The following TRPC6 variants were observed in gnomAD, a reference collection of about 807,000 sequenced individuals.
TRPC6 encodes transient receptor potential cation channel subfamily C member 6, also known as short transient receptor potential channel 6.
TRPC6 carries 55 observed loss-of-function variants against 90.7 expected under a neutral mutation model. The observed-to-expected ratio is 0.61, with a 90% CI of 0.49 to 0.76. The LOEUF (loss-of-function observed/expected upper bound fraction) is 0.76. Ranked by LOEUF, TRPC6 falls within the 30% of genes least tolerant of loss-of-function variation. The probability of loss-of-function intolerance (pLI) is 0.00; values close to 1 mark genes in which losing one functional copy is unlikely to be tolerated. For missense variants in TRPC6, 989 were observed against 1,122.7 expected (o/e 0.88, Z 1.70); for synonymous variants, 393 against 393.0 (o/e 1.00, Z 0.00).
At chr11:101,573,604 G>A (rs376401132) in intron 1 of TRPC6, among the ~76,000 whole-genome samples, 1 of 152,082 alleles carries the variant, frequency 6.6e-6, no homozygotes, top group East Asian at 1.9e-4. Context: ...AAACAATACT[G>A]TTTGCCTTGT....
intron 4 of TRPC6, among the ~76,000 whole-genome samples, chr11:101,487,418 GT>G (rs1003311900): frequency 6.6e-6 from 1 of 152,104 alleles, no homozygotes; most frequent in African/African-American, 2.4e-5. Flanking sequence ...GTGCAATTTT[GT>G]TACACCAGTA....
chr11:101,530,845 G>T (rs1485643769), intron 1 of TRPC6, among the ~76,000 whole-genome samples: 4 of 152,060 alleles, frequency 2.6e-5, no homozygotes, highest in African/African-American at 9.7e-5. Flanking sequence ...TAAATAAATA[G>T]AAATCATAAA....
intron 2 of TRPC6, 98 bp from the exon 3 acceptor site, chr11:101,491,836 CTTTTTTTTTTTT>C (rs71056611): frequency 6.7e-6 from 3 of 445,044 alleles, no homozygotes; most frequent in African/African-American, 3.5e-5. Context: ...GAGAAACATT[CTTTTTTTTTTTT>C]TTTTTTTTTT....
intron 1 of TRPC6, among the ~76,000 whole-genome samples, chr11:101,523,210 T>C (rs1254924910): frequency 6.6e-6 from 1 of 152,172 alleles, no homozygotes; most frequent in Non-Finnish European, 1.5e-5. Flanking sequence ...CTGGCAGTGG[T>C]TTTAGACCAA....
intron 1 of TRPC6, among the ~76,000 whole-genome samples, chr11:101,559,771 C>A (rs1270664522): frequency 2.8e-5 from 4 of 145,240 alleles, no homozygotes; most frequent in African/African-American, 5.1e-5. Context: ...TCTCCTAATG[C>A]TATCCCTCCC....
chr11:101,545,524 C>T (rs1403426025), intron 1 of TRPC6, among the ~76,000 whole-genome samples: 1 of 152,158 alleles, frequency 6.6e-6, no homozygotes. Flanking sequence ...TTACAAGGCA[C>T]ATTAGCTAGT....
intron 10 of TRPC6, among the ~76,000 whole-genome samples, chr11:101,459,146 G>T (rs12289447): frequency 0.039 from 5,956 of 152,294 alleles, 226 homozygotes; most frequent in African/African-American, 0.095. Context: ...CAGGGGAAAA[G>T]AGATACTTGT....
intron 10 of TRPC6, among the ~76,000 whole-genome samples, chr11:101,457,162 C>T (rs1858902757): frequency 6.6e-6 from 1 of 152,100 alleles, no homozygotes; most frequent in African/African-American, 2.4e-5. Flanking sequence ...AACATGTATA[C>T]TGTCATAGAG....
intron 1 of TRPC6, among the ~76,000 whole-genome samples, chr11:101,538,951 A>G (rs1185949771): frequency 6.6e-6 from 1 of 152,192 alleles, no homozygotes; most frequent in Non-Finnish European, 1.5e-5. Context: ...TCTCAATAAG[A>G]GCCCAGACAG....
chr11:101,480,960 T>G (rs56318611), intron 5 of TRPC6, among the ~76,000 whole-genome samples: 5,020 of 152,300 alleles, frequency 0.033, 112 homozygotes, highest in Middle Eastern at 0.071. Context: ...GTATCCAAGA[T>G]TTATCATTAC....
intron 1 of TRPC6, among the ~76,000 whole-genome samples, chr11:101,566,089 C>T (rs1220067554): frequency 1.1e-5 from 1 of 92,512 alleles, no homozygotes; most frequent in Non-Finnish European, 2.6e-5. Flanking sequence ...TTCTAAGCCA[C>T]TTTGGGTATA....
chr11:101,574,392 C>A (rs1257410279), intron 1 of TRPC6, among the ~76,000 whole-genome samples: 1 of 151,164 alleles, frequency 6.6e-6, no homozygotes, highest in East Asian at 1.9e-4. Flanking sequence ...TATAATTTAA[C>A]TGATAACACT....
chr11:101,537,054 T>C (rs1591119350), intron 1 of TRPC6, among the ~76,000 whole-genome samples: 2 of 152,338 alleles, frequency 1.3e-5, no homozygotes, highest in Non-Finnish European at 2.9e-5. Context: ...ACCAAGTGTC[T>C]GGACTGAACC....
At chr11:101,485,820 T>C (rs768680890) in intron 4 of TRPC6, among the ~76,000 whole-genome samples, 5 of 152,072 alleles carry the variant, frequency 3.3e-5, no homozygotes, top group Admixed American at 6.6e-5. Context: ...CTATCTACCT[T>C]AGAATGAGCC....
At chr11:101,480,566 A>T (rs1046644530) in intron 5 of TRPC6, among the ~76,000 whole-genome samples, 1 of 152,100 alleles carries the variant, frequency 6.6e-6, no homozygotes, top group Non-Finnish European at 1.5e-5. Context: ...TTTAATTTTT[A>T]AAATTCTTTA....
intron 1 of TRPC6, among the ~76,000 whole-genome samples, chr11:101,560,820 C>T (rs773669099): frequency 2.6e-5 from 4 of 151,962 alleles, no homozygotes; most frequent in Admixed American, 6.6e-5. Context: ...ATGGCACAGC[C>T]GTCAGAAGCA....
At chr11:101,582,187 C>T (rs4754782) in intron 1 of TRPC6, among the ~76,000 whole-genome samples, 150,842 of 152,348 alleles carry the variant, frequency 0.99, 74,698 homozygotes, top group East Asian at 1. Context: ...TCTAACTATT[C>T]TCCTTTATCT....
chr11:101,526,133 C>T (rs1046825557), intron 1 of TRPC6, among the ~76,000 whole-genome samples: 9 of 152,280 alleles, frequency 5.9e-5, no homozygotes, highest in Admixed American at 3.9e-4. Flanking sequence ...CATATATGTA[C>T]ATTAATGAAA....
chr11:101,583,281 A>C (rs931069047), intron 1 of TRPC6, 53 bp downstream of exon 1: 5 of 1,532,580 alleles, frequency 3.3e-6, no homozygotes, highest in Middle Eastern at 1.7e-4. Context: ...GCGAGCGCAC[A>C]ACCTCCCTCC....
Sources: gnomAD v4.1 joint callset for allele counts (sites outside exome capture counted in the v4.1 genomes callset) on GRCh38, gnomAD v4.1.1 for gene constraint, MANE v1.5 for transcripts, NCBI Gene and HGNC (gene_info 2026-07-23, HGNC 2026-07-21) for gene names.